RSL1D1: variants seen among roughly 807,000 people sequenced by gnomAD.
RSL1D1 encodes the protein ribosomal L1 domain-containing protein 1.
A neutral mutation model predicts 44.6 loss-of-function variants in RSL1D1; 34 were observed. That is an observed-to-expected ratio of 0.76 (90% CI 0.58 to 1.02). The LOEUF (loss-of-function observed/expected upper bound fraction) is 1.02. RSL1D1 is among the 50% of genes least tolerant of loss of function. RSL1D1 has a pLI of 0.00. For missense variants in RSL1D1, 767 were observed against 568.1 expected, an observed-to-expected ratio of 1.35 and a Z score of -3.56; for synonymous variants, 271 against 207.4, an observed-to-expected ratio of 1.31 and a Z score of -2.63.
At position 11,847,704 on chromosome 16, in the gene RSL1D1, C is replaced by T. The variant is rs1443003986; in HGVS notation, c.348G>A (p.Lys116=). The T allele has an allele frequency of 6.2e-7, 1 of 1,612,582 alleles. No homozygotes were observed. The highest frequency in any genetic ancestry group is 1.1e-5 in the South Asian group (1 of 90,790). ...TTTTAATTCCATGCTTGTTTAAAAG[C>T]TTTCTATAAAACTGTTCTGTCTTTT... ...TPEKTEQFYR[K]LLNKHGIKTV... is the part of the protein sequence containing the mutation. The change falls in exon 3 of 9, where the codon AAG becomes AAA. Residue 116 remains lysine, a synonymous_variant. Transcript: ENST00000571133.
Position 11,850,410 on chromosome 16 carries a change from C to T in RSL1D1, c.114G>A (p.Lys38=), listed in dbSNP as rs762366681. ...AATGCGTCAAGAGAGCGTCCACTGCCTTTCTAACCTGCAAAGTGGAAATTA... is the reference window on the plus strand; with the variant it reads ...AATGCGTCAAGAGAGCGTCCACTGCTTTTCTAACCTGCAAAGTGGAAATTA... ...RKQLDKEQVR[K]AVDALLTHCK... The change falls in exon 2 of 9, where the codon AAG becomes AAA. Residue 38 remains lysine, a synonymous_variant. Transcript: ENST00000571133. 2 of 1,592,270 alleles carry T rather than the reference C, an allele frequency of 1.3e-6. No homozygotes were observed. The highest frequency in any genetic ancestry group is 1.7e-6 in the Non-Finnish European group (2 of 1,174,514).
chr16:11,845,767 A>T (rs1380289159), intron 5 of RSL1D1, among the ~76,000 whole-genome samples: 2 of 151,500 alleles, frequency 1.3e-5, no homozygotes, highest in Non-Finnish European at 2.9e-5. Flanking sequence ...TGTCATTCAG[A>T]CTGGAGAACA....
At chr16:11,848,770 A>C (rs904146177) in intron 2 of RSL1D1, among the ~76,000 whole-genome samples, 1 of 150,258 alleles carries the variant, frequency 6.7e-6, no homozygotes, top group Non-Finnish European at 1.5e-5. Context: ...CTGAGATTAC[A>C]GTGTGAGCCA....
chr16:11,839,997 C>A lies in RSL1D1; in HGVS notation c.856-12G>T. The A allele has an allele frequency of 6.2e-7, 1 of 1,609,572 alleles. No homozygotes were observed. Among genetic ancestry groups the A allele is most frequent in the Non-Finnish European group, 8.5e-7 (1 of 1,178,450 alleles). ...TTTCTCCTTGCCTCCTACCAAAAAA[C>A]ACCATACAAACATTTTAGCAGGAAC... is the stretch of plus-strand genomic sequence containing the variant. On this transcript the variant is annotated splice_polypyrimidine_tract_variant and intron_variant, in intron 7 of 8. Transcript: ENST00000571133.
chr16:11,846,885 C>G, intron 3 of RSL1D1, 42 bp from the exon 4 acceptor site: 1 of 1,517,576 alleles, frequency 6.6e-7, no homozygotes, highest in South Asian at 1.2e-5. Flanking sequence ...AGTTAGGAAT[C>G]TAAACAAGGA....
Position 11,839,826 on chromosome 16 carries a change from G to C in RSL1D1, c.1015C>G (p.Gln339Glu). ...TTTTTCTTCCCATGCTCTGGGGTCT[G>C]TTCCTTCTTTGATTCAGGTTTCTTC... ...TVKKPESKKE[Q>E]TPEHGKKKRG... The change falls in exon 8 of 9, where the codon CAG becomes GAG. Residue 339 changes from glutamine to glutamate, a missense_variant. Physicochemically the swap from Gln to Glu is conservative, Grantham distance 29. Coordinates refer to ENST00000571133, the MANE Select transcript of RSL1D1 (RefSeq NM_015659.3). The C allele has an allele frequency of 1.9e-6, 3 of 1,614,104 alleles. No individual in the cohort carries two copies. The highest frequency in any genetic ancestry group is 1.1e-5 in the South Asian group (1 of 91,076).
intron 5 of RSL1D1, 55 bp downstream of exon 5, chr16:11,846,446 A>G: frequency 1.0e-6 from 1 of 964,284 alleles, no homozygotes; most frequent in South Asian, 1.4e-5. Flanking sequence ...AGTATATATA[A>G]AATCATTGTC....
chr16:11,848,031 C>T (rs1271667861), intron 2 of RSL1D1, among the ~76,000 whole-genome samples: 1 of 152,148 alleles, frequency 6.6e-6, no homozygotes, highest in Non-Finnish European at 1.5e-5. Flanking sequence ...GCAGATGGAT[C>T]ACCTGAGGTC....
chr16:11,840,098 G>C lies in RSL1D1; in HGVS notation c.856-113C>G. 1.3e-5 allele frequency: 19 copies of C among 1,469,424 alleles called. No homozygotes were observed. The South Asian group carries it at 2.5e-4, about 19-fold the overall frequency. 91.0% of individuals were successfully genotyped at this position (1,469,424 alleles called of 1,614,324 possible). Reference sequence around the variant, plus strand: ...ATCCATAAGCCCCTAAATGGACCTCGATCTATACAGAGAACAAACTCCCTA... The same window carrying C: ...ATCCATAAGCCCCTAAATGGACCTCCATCTATACAGAGAACAAACTCCCTA... On this transcript the variant is annotated intron_variant, in intron 7 of 8. Coordinates refer to ENST00000571133, the MANE Select transcript of RSL1D1 (RefSeq NM_015659.3).
intron 2 of RSL1D1, among the ~76,000 whole-genome samples, chr16:11,848,398 T>C (rs2053813800): frequency 1.3e-5 from 2 of 152,242 alleles, no homozygotes; most frequent in South Asian, 2.1e-4. Flanking sequence ...ATATAATTAT[T>C]ATACATATGT....
chr16:11,844,868 C>T (rs1424428676), intron 5 of RSL1D1, among the ~76,000 whole-genome samples: 1 of 152,202 alleles, frequency 6.6e-6, no homozygotes, highest in African/African-American at 2.4e-5. Flanking sequence ...AGCTGATACA[C>T]TGCCAATAAT....
chr16:11,846,841 A>G lies in RSL1D1; in HGVS notation c.387T>C (p.Ile129=). 6.2e-7 allele frequency: 1 copy of G among 1,605,186 alleles called. No individual in the cohort carries two copies. Among genetic ancestry groups the G allele is most frequent in the African/African-American group, 1.3e-5 (1 of 74,912 alleles). ...CCTTCTTTAGAGTTTGGAGGGAGATAATCTAGGAAGTATAGAGAAGAATAA... is the reference window on the plus strand; with the variant it reads ...CCTTCTTTAGAGTTTGGAGGGAGATGATCTAGGAAGTATAGAGAAGAATAA... ...NKHGIKTVSQ[I]ISLQTLKKEY... The change falls in exon 4 of 9, where the codon ATT becomes ATC. Residue 129 remains isoleucine (I), a splice_region_variant and synonymous_variant. Coordinates refer to ENST00000571133, the MANE Select transcript of RSL1D1 (RefSeq NM_015659.3).
At chr16:11,851,240 C>A in intron 1 of RSL1D1, 168 bp downstream of exon 1, 1 of 684,976 alleles carries the variant, frequency 1.5e-6, no homozygotes, top group Non-Finnish European at 2.6e-6. Context: ...AAAGCAGGCG[C>A]CCACCCACGT....
chr16:11,838,942 G>C (rs1473896571), intron 8 of RSL1D1, among the ~76,000 whole-genome samples: 2 of 152,010 alleles, frequency 1.3e-5, no homozygotes, highest in Non-Finnish European at 2.9e-5. Flanking sequence ...TATGACTGAG[G>C]GGAGGGAATC....
Position 11,835,171 on chromosome 16 carries a change from G to C in RSL1D1, c.*2616C>G, listed in dbSNP as rs2053707653. On this transcript the variant is annotated 3_prime_UTR_variant, in exon 9 of 9. Coordinates refer to ENST00000571133, the MANE Select transcript of RSL1D1 (RefSeq NM_015659.3). ...AGCAGGCTAGACTCCTCTAATTTCA[G>C]GGAGAGCTAGATGTTTTTTTTTTTC... The C allele has an allele frequency of 6.6e-6, 1 of 151,976 alleles. No homozygotes were observed. Among genetic ancestry groups the C allele is most frequent in the South Asian group, 2.1e-4 (1 of 4,774 alleles). The allele number at this position is 151,976 out of a possible 1,614,324, so 9.4% of individuals were successfully genotyped here.
At chr16:11,842,452 A>G (rs2141251964) in intron 5 of RSL1D1, among the ~76,000 whole-genome samples, 1 of 150,546 alleles carries the variant, frequency 6.6e-6, no homozygotes. Flanking sequence ...ATGCAGTGGC[A>G]CAATCAACGT....
At chr16:11,841,387 G>C (rs1596439374) in intron 7 of RSL1D1, 2 of 248,458 alleles carry the variant, frequency 8.0e-6, no homozygotes, top group Non-Finnish European at 1.6e-5. Context: ...CAGCCTGGGG[G>C]ACAGAGTGAG....
chr16:11,835,194 TTC>T lies in RSL1D1; in HGVS notation c.*2591_*2592del, dbSNP rs1491446643. ...CAGGGAGAGCTAGATGTTTTTTTTT[TTC>T]TCTTTTTTTCAGTTTTGCTCTGCCG... On this transcript the variant is annotated 3_prime_UTR_variant, in exon 9 of 9. Transcript: ENST00000571133. 17 of 152,148 alleles carry T rather than the reference TTC, an allele frequency of 1.1e-4. No individual in the cohort carries two copies. The highest frequency in any genetic ancestry group is 1.0e-3 in the Admixed American group (16 of 15,252). 9.4% of individuals were successfully genotyped at this position (152,148 alleles called of 1,614,324 possible).
intron 5 of RSL1D1, 95 bp from the exon 6 acceptor site, chr16:11,842,095 A>G: frequency 1.1e-6 from 1 of 894,070 alleles, no homozygotes; most frequent in Non-Finnish European, 1.7e-6. Context: ...ATAATCCTCA[A>G]GTTTTTCTTT....
Sources: allele counts gnomAD v4.1 joint callset (sites outside exome capture counted in the v4.1 genomes callset), GRCh38; gene constraint gnomAD v4.1.1; transcripts MANE v1.5; gene names NCBI Gene and HGNC (gene_info 2026-07-23, HGNC 2026-07-21).